Variants in RUNDC3B observed in about 807,000 individuals in gnomAD.
The protein encoded by RUNDC3B is RUN domain containing 3B.
RUNDC3B carries 33 observed loss-of-function variants against 58.4 expected under a neutral mutation model. The ratio of observed to expected loss-of-function variants is 0.56; its 90% CI spans 0.43 to 0.75. RUNDC3B has a LOEUF of 0.75. Among genes scored for constraint, RUNDC3B ranks in the 30% least tolerant of loss-of-function variants. The probability of loss-of-function intolerance (pLI) is 0.00; values close to 1 mark genes in which losing one functional copy is unlikely to be tolerated. For missense variants in RUNDC3B, 501 were observed against 535.7 expected, an observed-to-expected ratio of 0.94 and a Z score of 0.64; for synonymous variants, 193 against 195.2, an observed-to-expected ratio of 0.99 and a Z score of 0.10.
intron 1 of RUNDC3B, among the ~76,000 whole-genome samples, chr7:87,642,708 CTTTT>C (rs1395582755): frequency 6.6e-6 from 1 of 151,942 alleles, no homozygotes; most frequent in East Asian, 1.9e-4. Flanking sequence ...AGCAAACTGT[CTTTT>C]TTATTTTAAG....
intron 2 of RUNDC3B, among the ~76,000 whole-genome samples, chr7:87,654,488 G>C (rs1004454497): frequency 6.6e-6 from 1 of 152,084 alleles, no homozygotes; most frequent in African/African-American, 2.4e-5. Flanking sequence ...GGAAAGGACA[G>C]TCTCTTTAAT....
intron 4 of RUNDC3B, among the ~76,000 whole-genome samples, chr7:87,734,551 A>G (rs1831806341): frequency 1.3e-5 from 2 of 152,168 alleles, no homozygotes. Context: ...CTTAAAAAAA[A>G]GATTCTCCAT....
intron 2 of RUNDC3B, chr7:87,694,020 G>A (rs537238617): frequency 1.0e-4 from 165 of 1,599,778 alleles, no homozygotes; most frequent in East Asian, 1.3e-4. Flanking sequence ...ATTGACTTTC[G>A]GGGGAGGGCT....
chr7:87,713,728 A>T (rs1830300367), intron 4 of RUNDC3B, among the ~76,000 whole-genome samples: 1 of 151,836 alleles, frequency 6.6e-6, no homozygotes, highest in East Asian at 1.9e-4. Context: ...GTAAAAATTG[A>T]ATTAATTTGT....
intron 2 of RUNDC3B, among the ~76,000 whole-genome samples, chr7:87,651,421 C>T (rs1236080761): frequency 6.6e-6 from 1 of 151,844 alleles, no homozygotes; most frequent in Admixed American, 6.6e-5. Context: ...AAATATAATT[C>T]TCAACAATTT....
rs545566261 is a variant in RUNDC3B, at chr7:87,825,565, C to A, written c.1226-4320C>A. Among the ~76,000 whole-genome samples, 96 of 152,318 alleles carry A rather than the reference C, an allele frequency of 6.3e-4. 2 individuals carry two copies. Among genetic ancestry groups the A allele is most frequent in the Non-Finnish European group, 3.8e-4 (26 of 68,020 alleles). ...CCCACACAGAGTCCCTACTGGGGCA[C>A]CACCTAGTGGAGCTGTGAGAAAAGG... On this transcript the variant is annotated intron_variant, in intron 10 of 10. Transcript: ENST00000394654.
chr7:87,751,999 T>G (rs1473248401), intron 6 of RUNDC3B, among the ~76,000 whole-genome samples: 2 of 152,224 alleles, frequency 1.3e-5, no homozygotes, highest in East Asian at 3.8e-4. Context: ...CAGTATGATA[T>G]TGGCTGTGGG....
At chr7:87,706,127 T>A (rs1829562697) in intron 3 of RUNDC3B, among the ~76,000 whole-genome samples, 1 of 152,222 alleles carries the variant, frequency 6.6e-6, no homozygotes, top group Non-Finnish European at 1.5e-5. Context: ...AGTTTCAGAA[T>A]ATGCTAGTTA....
At chr7:87,678,460 C>T (rs1021947915) in intron 2 of RUNDC3B, among the ~76,000 whole-genome samples, 1 of 151,832 alleles carries the variant, frequency 6.6e-6, no homozygotes, top group Non-Finnish European at 1.5e-5. Flanking sequence ...TATAAAGATA[C>T]TAAGAGTTTT....
intron 6 of RUNDC3B, among the ~76,000 whole-genome samples, chr7:87,763,689 G>A (rs1188359264): frequency 6.6e-6 from 1 of 151,388 alleles, no homozygotes; most frequent in Non-Finnish European, 1.5e-5. Context: ...AATTTTTAAA[G>A]TTCTGTTTGG....
chr7:87,723,289 A>T (rs1831016008), intron 4 of RUNDC3B, among the ~76,000 whole-genome samples: 1 of 152,188 alleles, frequency 6.6e-6, no homozygotes, highest in Non-Finnish European at 1.5e-5. Flanking sequence ...TAGAATAAAG[A>T]CTAAAATATT....
intron 4 of RUNDC3B, among the ~76,000 whole-genome samples, chr7:87,713,646 TAAA>T (rs527802276): frequency 9.2e-5 from 9 of 97,938 alleles, no homozygotes; most frequent in Admixed American, 1.1e-4. Flanking sequence ...GAATCTAAGC[TAAA>T]AAAAAAAAAA....
chr7:87,678,533 G>T (rs1826606107), intron 2 of RUNDC3B, among the ~76,000 whole-genome samples: 1 of 152,138 alleles, frequency 6.6e-6, no homozygotes, highest in East Asian at 1.9e-4. Context: ...TATCCAAAAA[G>T]AAGGTGGTGA....
intron 6 of RUNDC3B, among the ~76,000 whole-genome samples, chr7:87,768,336 C>A (rs1001972389): frequency 6.6e-6 from 1 of 152,208 alleles, no homozygotes. Flanking sequence ...AGGACTAGAT[C>A]TCCAGGGATC....
chr7:87,812,786 T>C (rs1836797091), intron 9 of RUNDC3B, among the ~76,000 whole-genome samples: 1 of 152,232 alleles, frequency 6.6e-6, no homozygotes, highest in South Asian at 2.1e-4. Flanking sequence ...ATTGGATTAA[T>C]GTATCTGCTG....
At chr7:87,770,419 A>G (rs1220520079) in intron 6 of RUNDC3B, among the ~76,000 whole-genome samples, 162 bp from the exon 7 acceptor site, 2 of 148,940 alleles carry the variant, frequency 1.3e-5, no homozygotes, top group Non-Finnish European at 3.0e-5. Context: ...CTAACTTGCC[A>G]TTTTTTTTTC....
chr7:87,768,427 G>A (rs1834091174), intron 6 of RUNDC3B, among the ~76,000 whole-genome samples: 1 of 152,198 alleles, frequency 6.6e-6, no homozygotes, highest in African/African-American at 2.4e-5. Context: ...GGGGAATCTG[G>A]TGATGCAGTG....
intron 6 of RUNDC3B, among the ~76,000 whole-genome samples, chr7:87,752,791 G>A (rs1833099056): frequency 1.3e-5 from 2 of 151,896 alleles, no homozygotes; most frequent in South Asian, 4.2e-4. Flanking sequence ...TCTTGCTAGT[G>A]GTTTATCAGT....
intron 1 of RUNDC3B, among the ~76,000 whole-genome samples, chr7:87,641,302 T>C (rs1822428884): frequency 1.3e-5 from 2 of 152,202 alleles, no homozygotes; most frequent in Admixed American, 1.3e-4. Context: ...CTAGTACCCA[T>C]GGCCAATAGT....
Sources: allele counts gnomAD v4.1 joint callset (sites outside exome capture counted in the v4.1 genomes callset), GRCh38; gene constraint gnomAD v4.1.1; transcripts MANE v1.5; gene names NCBI Gene and HGNC (gene_info 2026-07-23, HGNC 2026-07-21).